Variants in TSPAN18 observed in about 807,000 individuals in gnomAD.
TSPAN18 encodes the protein tetraspanin-18.
In TSPAN18, 14 loss-of-function variants were observed where a neutral mutation model predicts 27.3. That is an observed-to-expected ratio of 0.51 (90% CI 0.34 to 0.80). TSPAN18 has a LOEUF of 0.80. TSPAN18 is among the 30% of genes least tolerant of loss of function. The pLI, the probability that TSPAN18 is intolerant of heterozygous loss-of-function variation, is 0.01. For missense variants in TSPAN18, 268 were observed against 323.9 expected (o/e 0.83, Z 1.32); for synonymous variants, 143 against 136.5 (o/e 1.05, Z -0.33).
In TSPAN18 at chr11:44,898,344, T is replaced by C. The variant is rs762099203; in HGVS notation, c.-10-8063T>C. Among the ~76,000 whole-genome samples, 8 of 152,338 alleles carry C rather than the reference T, an allele frequency of 5.3e-5. No homozygotes were observed. The Middle Eastern group carries it at 0.01, about 194-fold the overall frequency. On this transcript the variant is annotated intron_variant, in intron 3 of 9. Transcript: ENST00000520358. ...TCCAAAATGAGGGTATTGGGCTAGATCGTGCTTCCCAACCTTTGACGATTA... is the reference window on the plus strand; with the variant it reads ...TCCAAAATGAGGGTATTGGGCTAGACCGTGCTTCCCAACCTTTGACGATTA...
chr11:44,813,878 A>G (rs969206892), intron 2 of TSPAN18, among the ~76,000 whole-genome samples: 2 of 152,184 alleles, frequency 1.3e-5, no homozygotes, highest in African/African-American at 4.8e-5. Context: ...CCACGCCCAG[A>G]CCTGGAGAAA....
intron 3 of TSPAN18, among the ~76,000 whole-genome samples, chr11:44,878,006 C>G (rs955624174): frequency 5.9e-5 from 9 of 152,022 alleles, no homozygotes; most frequent in East Asian, 5.8e-4. Context: ...CACAGACACA[C>G]GCACACACAG....
intron 6 of TSPAN18, among the ~76,000 whole-genome samples, chr11:44,918,522 T>C (rs1001781369): frequency 1.1e-4 from 15 of 140,416 alleles, no homozygotes; most frequent in African/African-American, 3.5e-4. Flanking sequence ...CCAGGCACCA[T>C]AGCCAAAGGG....
intron 2 of TSPAN18, among the ~76,000 whole-genome samples, chr11:44,839,620 A>C (rs1857329984): frequency 6.6e-6 from 1 of 151,712 alleles, no homozygotes; most frequent in African/African-American, 2.4e-5. Flanking sequence ...TTCCTCTACC[A>C]ACTGCTCCAA....
chr11:44,728,315 A>G (rs1590394114), intron 1 of TSPAN18, among the ~76,000 whole-genome samples: 1 of 152,240 alleles, frequency 6.6e-6, no homozygotes, highest in African/African-American at 2.4e-5. Flanking sequence ...GTAAGAAACT[A>G]CAACTGCGAA....
intron 3 of TSPAN18, among the ~76,000 whole-genome samples, chr11:44,890,049 G>C (rs895152185): frequency 6.6e-6 from 1 of 152,220 alleles, no homozygotes; most frequent in African/African-American, 2.4e-5. Context: ...TTGATCCCCA[G>C]CCTCTTTCCT....
intron 2 of TSPAN18, among the ~76,000 whole-genome samples, chr11:44,839,484 T>C (rs1227886791): frequency 2.0e-5 from 3 of 152,114 alleles, no homozygotes; most frequent in Non-Finnish European, 4.4e-5. Context: ...GGAAAGAAAG[T>C]ATATCCTCCT....
At chr11:44,927,278 C>A (rs1254619678) in intron 9 of TSPAN18, among the ~76,000 whole-genome samples, 1 of 152,202 alleles carries the variant, frequency 6.6e-6, no homozygotes, top group Non-Finnish European at 1.5e-5. Context: ...CTAGGTGGCG[C>A]CTCAGCCAAA....
intron 1 of TSPAN18, among the ~76,000 whole-genome samples, chr11:44,731,476 C>T (rs1390141802): frequency 6.6e-6 from 1 of 152,058 alleles, no homozygotes; most frequent in Non-Finnish European, 1.5e-5. Context: ...TAATGCCTGG[C>T]ATATAGTAAG....
chr11:44,915,634 C>T (rs1859877223), intron 5 of TSPAN18, among the ~76,000 whole-genome samples: 1 of 152,204 alleles, frequency 6.6e-6, no homozygotes, highest in Non-Finnish European at 1.5e-5. Flanking sequence ...TGGAGACAGA[C>T]TCATGGGCTC....
intron 1 of TSPAN18, 55 bp downstream of exon 1, chr11:44,727,342 A>G (rs1161061422): frequency 1.3e-5 from 2 of 151,702 alleles, no homozygotes; most frequent in African/African-American, 2.4e-5. Context: ...GCCCCCGGGG[A>G]CCTGGGGACC....
chr11:44,908,769 G>GAAAGAAAGAAAAGAAAGAA (rs1554938043), intron 4 of TSPAN18, among the ~76,000 whole-genome samples: 1 of 71,620 alleles, frequency 1.4e-5, no homozygotes, highest in African/African-American at 6.7e-5. Context: ...AGAGAGAAAG[G>GAAAGAAAGAAAAGAAAGAA]AGAAAGAAAG....
intron 2 of TSPAN18, among the ~76,000 whole-genome samples, chr11:44,793,631 C>T (rs764385889): frequency 4.6e-5 from 7 of 152,202 alleles, no homozygotes; most frequent in Non-Finnish European, 7.3e-5. Flanking sequence ...AGAGTCACCA[C>T]GTTACCCTGG....
intron 2 of TSPAN18, among the ~76,000 whole-genome samples, chr11:44,819,442 T>G (rs1228510084): frequency 6.6e-6 from 1 of 152,172 alleles, no homozygotes; most frequent in African/African-American, 2.4e-5. Flanking sequence ...TGTGCGCATG[T>G]GCATGTGTGT....
At chr11:44,800,419 A>G (rs1199901897) in intron 2 of TSPAN18, among the ~76,000 whole-genome samples, 1 of 152,162 alleles carries the variant, frequency 6.6e-6, no homozygotes, top group African/African-American at 2.4e-5. Context: ...CCCTCAGCTC[A>G]GTGTCAGGAC....
At chr11:44,908,221 A>G (rs1326643380) in intron 4 of TSPAN18, among the ~76,000 whole-genome samples, 1 of 151,964 alleles carries the variant, frequency 6.6e-6, no homozygotes, top group Non-Finnish European at 1.5e-5. Context: ...CCCTTGCCCA[A>G]AGCCATCAGC....
chr11:44,911,508 C>T (rs1859712656), intron 5 of TSPAN18, among the ~76,000 whole-genome samples: 1 of 152,270 alleles, frequency 6.6e-6, no homozygotes, highest in African/African-American at 2.4e-5. Flanking sequence ...CTTTGAGCGC[C>T]CCCTGGTGGA....
intron 2 of TSPAN18, among the ~76,000 whole-genome samples, chr11:44,814,731 C>G (rs1388568258): frequency 6.6e-6 from 1 of 152,102 alleles, no homozygotes; most frequent in African/African-American, 2.4e-5. Flanking sequence ...GGTGTGGCCA[C>G]TACAATAGAC....
At chr11:44,869,660 C>G (rs942449608) in intron 3 of TSPAN18, among the ~76,000 whole-genome samples, 6 of 152,216 alleles carry the variant, frequency 3.9e-5, no homozygotes, top group Admixed American at 3.3e-4. Context: ...GAGACACGGC[C>G]AGGCCCCGTC....
Sources: allele counts gnomAD v4.1 joint callset (sites outside exome capture counted in the v4.1 genomes callset), GRCh38; gene constraint gnomAD v4.1.1; transcripts MANE v1.5; gene names NCBI Gene and HGNC (gene_info 2026-07-23, HGNC 2026-07-21).